Variants in IFI44 observed in about 807,000 individuals in gnomAD.
The protein encoded by IFI44 is interferon induced protein 44.
Under a neutral mutation model 45.0 loss-of-function variants are expected in IFI44, and 42 were observed. The observed-to-expected ratio is 0.93, with a 90% confidence interval of 0.73 to 1.21. The LOEUF (loss-of-function observed/expected upper bound fraction) is 1.21. IFI44 is among the 50% of genes most tolerant of loss of function. The pLI, the probability that IFI44 is intolerant of heterozygous loss-of-function variation, is 0.00. For missense variants in IFI44, 623 were observed against 525.8 expected (o/e 1.18, Z -1.81); for synonymous variants, 221 against 188.6 (o/e 1.17, Z -1.41).
At chr1:78,662,979 G>A in intron 8 of IFI44, 101 bp downstream of exon 8, 1 of 1,600,354 alleles carries the variant, frequency 6.2e-7, no homozygotes, top group Non-Finnish European at 8.5e-7. Context: ...CTTTTTGTGG[G>A]TTGTTGCCCT....
At chr1:78,654,178 A>G in intron 2 of IFI44, 65 bp from the exon 3 acceptor site, 1 of 857,576 alleles carries the variant, frequency 1.2e-6, no homozygotes, top group South Asian at 1.4e-5. Flanking sequence ...ACTGATATTC[A>G]TTCATTCATT....
In IFI44 at chr1:78,659,389, T is replaced by C. The variant is rs1647323277; in HGVS notation, c.918T>C (p.Cys306=). 1.9e-6 allele frequency: 3 copies of C among 1,612,646 alleles called. No homozygotes were observed. Among genetic ancestry groups the C allele is most frequent in the East Asian group, 4.5e-5 (2 of 44,832 alleles). ...CATCGCTGAAGGACAGAATTCATTG[T>C]GTGGCATTTGTATTTGATGCCAGCT... The part of the protein sequence containing the change: ...DSPSLKDRIH[C]VAFVFDASSI... The change falls in exon 6 of 9, where the codon TGT becomes TGC. Residue 306 remains cysteine, a synonymous_variant. Transcript: ENST00000370747.
intron 5 of IFI44, among the ~76,000 whole-genome samples, chr1:78,656,042 T>G (rs369237360): frequency 6.6e-6 from 1 of 152,136 alleles, no homozygotes. Context: ...CTTTCTGTCA[T>G]GTGAAGATAA....
intron 5 of IFI44, among the ~76,000 whole-genome samples, chr1:78,656,929 T>G (rs1370935385): frequency 1.3e-5 from 2 of 151,752 alleles, no homozygotes; most frequent in African/African-American, 2.4e-5. Context: ...CAAAGTAGTT[T>G]AATGGATTCC....
rs752844991 is a variant in IFI44, at chr1:78,655,493, C to T, written c.822C>T (p.Asn274=). 2.5e-6 allele frequency: 4 copies of T among 1,608,702 alleles called. No homozygotes were observed. The East Asian group carries it at 8.9e-5, about 36-fold the overall frequency. ...RDDIFYILNG[N]IRDRYQFNPM... ...ACATATTCTATATCTTGAACGGTAA[C>T]ATTCGTGATAGATACCAGGTAATAT... is the stretch of plus-strand genomic sequence containing the variant. Residue 274 remains asparagine, a synonymous_variant, in exon 5 of 9, where the codon AAC becomes AAT. Transcript: ENST00000370747.
At chr1:78,652,359 G>A (rs910728674) in intron 2 of IFI44, among the ~76,000 whole-genome samples, 1 of 152,156 alleles carries the variant, frequency 6.6e-6, no homozygotes, top group Non-Finnish European at 1.5e-5. Context: ...GGGATAACAG[G>A]CGTGAGCCAC....
At position 78,650,381 on chromosome 1, in the gene IFI44, A is replaced by G; in HGVS notation, c.186A>G (p.Gly62=). 1 of 1,614,078 alleles carries G rather than the reference A, an allele frequency of 6.2e-7. No individual in the cohort carries two copies. Among genetic ancestry groups the G allele is most frequent in the South Asian group, 1.1e-5 (1 of 91,074 alleles). Residue 62 remains glycine (G), a synonymous_variant, in exon 2 of 9, where the codon GGA becomes GGG. Transcript: ENST00000370747. ...TTTATAGTGAAGATCATATTATTGG[A>G]GCATATGCAGAAGAGAGTTACCAGG... ...TVIYSEDHII[G]AYAEESYQEG...
chr1:78,655,327 A>G (rs746310095), intron 4 of IFI44, 35 bp from the exon 5 acceptor site: 4 of 1,568,556 alleles, frequency 2.6e-6, no homozygotes, highest in Non-Finnish European at 3.4e-6. Context: ...ATAATAAAAA[A>G]TGAATCTTTA....
At chr1:78,659,087 C>G (rs1384624306) in intron 5 of IFI44, among the ~76,000 whole-genome samples, 1 of 152,050 alleles carries the variant, frequency 6.6e-6, no homozygotes, top group Non-Finnish European at 1.5e-5. Flanking sequence ...TATTTTAGCT[C>G]TCAGATTACA....
rs181305568 is a variant in IFI44 at position 78,661,481 on chromosome 1, T to G, written c.1113+827T>G. Among the ~76,000 whole-genome samples, 617 of 152,302 alleles carry G rather than the reference T, an allele frequency of 4.1e-3. 2 individuals carry two copies. The highest frequency in any genetic ancestry group is 0.01 in the Middle Eastern group (3 of 294). On this transcript the variant is annotated intron_variant, in intron 7 of 8. Coordinates refer to ENST00000370747, the MANE Select transcript of IFI44 (RefSeq NM_006417.5). ...GGTAAGTTCATTTATTACAATTTAA[T>G]TCAACTAGATTCAATTCAATAAATG...
At position 78,655,212 on chromosome 1, in the gene IFI44, A is replaced by G. The variant is rs962766936; in HGVS notation, c.690+3A>G. The G allele has an allele frequency of 1.9e-6, 3 of 1,612,152 alleles. No homozygotes were observed. In the African/African-American group the frequency reaches 4.0e-5, roughly 22 times the overall value. ...ATACAACTGGGATATCTGAGAAGGT[A>G]AGCACATTTGAGGCCACCTAGCCTT... On this transcript the variant is annotated splice_donor_region_variant and intron_variant, in intron 4 of 8. Transcript: ENST00000370747.
At position 78,655,122 on chromosome 1, in the gene IFI44, CT is replaced by C. The variant is rs1257952774; in HGVS notation, c.608del (p.Phe203SerfsTer4). The C allele has an allele frequency of 6.2e-7, 1 of 1,613,772 alleles. No homozygotes were observed. The highest frequency in any genetic ancestry group is 8.5e-7 in the Non-Finnish European group (1 of 1,179,900). The stretch of plus-strand genomic sequence containing the variant: ...GTCCAATTGGAGCTGGGAAGTCCAG[CT>C]TTTTCAACTCAGTGAGGTCTGTTTT... ...LGPIGAGKSS[F>X]FNSVRSVFQG... On this transcript the variant is annotated frameshift_variant, in exon 4 of 9. Transcript: ENST00000370747. LOFTEE classifies it high-confidence loss of function.
chr1:78,655,626 A>C (rs949160385), intron 5 of IFI44, 115 bp downstream of exon 5: 1 of 981,888 alleles, frequency 1.0e-6, no homozygotes, highest in Non-Finnish European at 1.4e-6. Context: ...TGTCTCTTTT[A>C]GATTTTTTTT....
At chr1:78,651,261 G>A (rs558954477) in intron 2 of IFI44, among the ~76,000 whole-genome samples, 29 of 152,272 alleles carry the variant, frequency 1.9e-4, no homozygotes, top group African/African-American at 7.0e-4. Context: ...TGTAGAATCA[G>A]CGGGAACCCG....
chr1:78,662,977 G>A (rs1647555448), intron 8 of IFI44, 99 bp downstream of exon 8: 1 of 1,601,366 alleles, frequency 6.2e-7, no homozygotes, highest in Admixed American at 1.7e-5. Flanking sequence ...GTCTTTTTGT[G>A]GGTTGTTGCC....
intron 2 of IFI44, among the ~76,000 whole-genome samples, chr1:78,651,312 G>T (rs1647121958): frequency 1.3e-5 from 2 of 152,200 alleles, no homozygotes; most frequent in African/African-American, 4.8e-5. Flanking sequence ...ATCTTGGGGT[G>T]ATGGGAGACA....
chr1:78,659,165 G>A, intron 5 of IFI44, 147 bp from the exon 6 acceptor site: 2 of 616,036 alleles, frequency 3.2e-6, no homozygotes, highest in South Asian at 2.2e-5. Context: ...CATAATGCCT[G>A]TCTTCTCTAC....
At chr1:78,651,632 A>G (rs1325374506) in intron 2 of IFI44, among the ~76,000 whole-genome samples, 2 of 152,216 alleles carry the variant, frequency 1.3e-5, no homozygotes, top group Non-Finnish European at 2.9e-5. Context: ...GCTGTACAGT[A>G]GATCTCTGGG....
At chr1:78,657,882 C>T (rs754564148) in intron 5 of IFI44, among the ~76,000 whole-genome samples, 7 of 151,964 alleles carry the variant, frequency 4.6e-5, no homozygotes, top group Non-Finnish European at 7.4e-5. Context: ...CAGTGAAAGC[C>T]TCTACAATTT....
Sources: allele counts gnomAD v4.1 joint callset (sites outside exome capture counted in the v4.1 genomes callset), GRCh38; gene constraint gnomAD v4.1.1; transcripts MANE v1.5; gene names NCBI Gene and HGNC (gene_info 2026-07-23, HGNC 2026-07-21).